Variants in GSN observed in about 807,000 individuals in gnomAD.
GSN encodes the protein actin-depolymerizing factor.
A neutral mutation model predicts 85.7 loss-of-function variants in GSN; 56 were observed. The ratio of observed to expected loss-of-function variants is 0.65; its 90% CI spans 0.53 to 0.82. GSN has a LOEUF of 0.82. GSN is among the 40% of genes least tolerant of loss of function. The pLI is 0.00. For synonymous variants in GSN, 373 were observed against 399.1 expected, an observed-to-expected ratio of 0.93 and a Z score of 0.78; for missense variants, 857 against 979.8, an observed-to-expected ratio of 0.87 and a Z score of 1.67.
upstream of GSN, among the ~76,000 whole-genome samples, chr9:121,204,052 C>T (rs117890537): frequency 0.011 from 1,631 of 152,326 alleles, 11 homozygotes; most frequent in Non-Finnish European, 0.02. Context: ...TGAACTTAGA[C>T]CTGGCTAGTA....
rs1282112739 is a variant in GSN at position 121,329,419 on chromosome 9, C to T, written c.1965+104C>T. 3.9e-6 allele frequency: 3 copies of T among 769,382 alleles called. No homozygotes were observed. Among genetic ancestry groups the T allele is most frequent in the Middle Eastern group, 4.6e-4 (2 of 4,344 alleles). 47.7% of individuals were successfully genotyped at this position (769,382 alleles called of 1,614,324 possible). ...TAGAAGGACCTAAAGGGGGCAGTGCCAGGTGTTGCCAGAAAAGTCTCTAAG... is the reference window on the plus strand; with the variant it reads ...TAGAAGGACCTAAAGGGGGCAGTGCTAGGTGTTGCCAGAAAAGTCTCTAAG... On this transcript the variant is annotated intron_variant, in intron 16 of 17. Transcript: ENST00000432226. The surrounding 1 kb of genome is among the most constrained non-coding windows in gnomAD (Gnocchi z 4.6).
chr9:121,204,960 G>T (rs746018638), upstream of GSN, among the ~76,000 whole-genome samples: 17 of 152,186 alleles, frequency 1.1e-4, no homozygotes, highest in Non-Finnish European at 2.2e-4. Flanking sequence ...ATTGAGAGGG[G>T]TTTATTCCAT....
intron 6 of GSN, among the ~76,000 whole-genome samples, chr9:121,255,912 T>C (rs932671724): frequency 1.3e-5 from 2 of 152,210 alleles, no homozygotes; most frequent in African/African-American, 4.8e-5. Flanking sequence ...CAATTTACAC[T>C]CTAACTAGAC....
At chr9:121,219,141 C>G (rs921470676) in intron 4 of GSN, among the ~76,000 whole-genome samples, 7 of 152,282 alleles carry the variant, frequency 4.6e-5, no homozygotes, top group Middle Eastern at 3.4e-3. Flanking sequence ...ACTCCTCTGG[C>G]CGGGCAGTTC....
chr9:121,264,756 C>T (rs2055163171), upstream of GSN, among the ~76,000 whole-genome samples: 1 of 152,142 alleles, frequency 6.6e-6, no homozygotes, highest in African/African-American at 2.4e-5. Flanking sequence ...CCCCTTTTCT[C>T]TGGGAAGTGC....
chr9:121,236,190 T>C (rs2054488871), intron 5 of GSN, among the ~76,000 whole-genome samples: 1 of 152,166 alleles, frequency 6.6e-6, no homozygotes, highest in South Asian at 2.1e-4. Context: ...CTTTTTCCAT[T>C]ATTTAACATG....
intron 8 of GSN, chr9:121,317,867 G>C: frequency 5.2e-6 from 1 of 190,878 alleles, no homozygotes; most frequent in Non-Finnish European, 1.1e-5. Flanking sequence ...GAGAGAGAGA[G>C]AGACACTATT....
chr9:121,227,359 C>A (rs1455932510), intron 4 of GSN, among the ~76,000 whole-genome samples: 2 of 151,766 alleles, frequency 1.3e-5, no homozygotes, highest in East Asian at 1.9e-4. Flanking sequence ...GCGCCACTGC[C>A]CTCCAGCCTA....
intron 4 of GSN, among the ~76,000 whole-genome samples, chr9:121,214,076 T>A (rs1209664467): frequency 6.6e-6 from 1 of 152,132 alleles, no homozygotes; most frequent in Non-Finnish European, 1.5e-5. Context: ...AGCACCTACC[T>A]CACAGGGTTT....
At chr9:121,331,483 G>A (rs767202724) in intron 17 of GSN, 35 bp downstream of exon 17, 12 of 919,780 alleles carry the variant, frequency 1.3e-5, no homozygotes, top group Middle Eastern at 2.2e-4. Flanking sequence ...GGGGGGAGGG[G>A]TCCGTTGCTT....
intron 2 of GSN, chr9:121,286,473 C>T: frequency 1.2e-6 from 1 of 846,374 alleles, no homozygotes; most frequent in Non-Finnish European, 1.8e-6. Flanking sequence ...GGCCACACCC[C>T]CAAGCCTTTG....
intron 17 of GSN, chr9:121,331,820 A>C (rs2133983627): frequency 4.9e-6 from 1 of 205,008 alleles, no homozygotes; most frequent in African/African-American, 2.3e-5. Flanking sequence ...TTGGGAGGCC[A>C]AGGCAGGAGG....
chr9:121,252,182 TAAGA>T (rs2054853402), intron 6 of GSN, among the ~76,000 whole-genome samples: 1 of 152,088 alleles, frequency 6.6e-6, no homozygotes, highest in Admixed American at 6.5e-5. Context: ...ACCCCAGGGA[TAAGA>T]AATGGGGAAG....
intron 1 of GSN, among the ~76,000 whole-genome samples, chr9:121,275,496 C>T (rs1055524858): frequency 6.6e-6 from 1 of 152,168 alleles, no homozygotes; most frequent in African/African-American, 2.4e-5. Flanking sequence ...AAGAAACGGC[C>T]ATGTTTCTTG....
At chr9:121,233,512 C>A (rs1342962585) in intron 5 of GSN, among the ~76,000 whole-genome samples, 5 of 151,970 alleles carry the variant, frequency 3.3e-5, no homozygotes, top group Admixed American at 2.0e-4. Flanking sequence ...GCCAGGCACA[C>A]AGAATAAGAC....
chr9:121,269,338 A>G (rs2055563645), intron 1 of GSN, among the ~76,000 whole-genome samples: 1 of 152,138 alleles, frequency 6.6e-6, no homozygotes, highest in Non-Finnish European at 1.5e-5. Flanking sequence ...TCCATTTCAC[A>G]GTTGAGAAAA....
At chr9:121,237,691 G>A (rs73660421) in intron 5 of GSN, among the ~76,000 whole-genome samples, 342 of 152,292 alleles carry the variant, frequency 2.2e-3, no homozygotes, top group African/African-American at 7.9e-3. Flanking sequence ...TTTGAAAGGA[G>A]TCATCTTTTA....
At chr9:121,271,290 G>T (rs2055909319) in intron 1 of GSN, among the ~76,000 whole-genome samples, 1 of 152,076 alleles carries the variant, frequency 6.6e-6, no homozygotes, top group Non-Finnish European at 1.5e-5. Flanking sequence ...GGAGACGGAG[G>T]TTACAGTAAG....
rs374982895 is a variant in GSN, at chr9:121,326,580, C to T, written c.1485C>T (p.Ile495=). 8.3e-5 allele frequency: 134 copies of T among 1,613,738 alleles called. No individual in the cohort carries two copies. The East Asian group carries it at 2.0e-3, about 24-fold the overall frequency. Residue 495 remains isoleucine, a synonymous_variant, in exon 13 of 18, where the codon ATC becomes ATT. Transcript: ENST00000432226. ...TGTTTGGTGGGAAGCCCATGATCAT[C>T]TACAAGGGCGGCACCTCCCGCGAGG... ...MSLFGGKPMI[I]YKGGTSREGG...
Sources: allele counts gnomAD v4.1 joint callset (sites outside exome capture counted in the v4.1 genomes callset), GRCh38; gene constraint gnomAD v4.1.1; non-coding constraint Gnocchi (gnomAD v3.1); transcripts MANE v1.5; gene names NCBI Gene and HGNC (gene_info 2026-07-23, HGNC 2026-07-21).